The following RPS6KA2 variants were observed in gnomAD, a reference collection of about 807,000 sequenced individuals.
The protein encoded by RPS6KA2 is ribosomal protein S6 kinase A2, also known as ribosomal protein S6 kinase alpha-2.
Under a neutral mutation model 91.8 loss-of-function variants are expected in RPS6KA2, and 42 were observed. That is an observed-to-expected ratio of 0.46 (90% CI 0.36 to 0.59). RPS6KA2 has a LOEUF of 0.59. Ranked by LOEUF, RPS6KA2 falls within the 20% of genes least tolerant of loss-of-function variation. RPS6KA2 has a pLI of 0.00. For missense variants in RPS6KA2, 798 were observed against 978.5 expected (o/e 0.82, Z 2.46); for synonymous variants, 414 against 393.6 (o/e 1.05, Z -0.61).
chr6:166,671,252 A>G (rs1460727358), intron 2 of RPS6KA2, among the ~76,000 whole-genome samples: 1 of 152,234 alleles, frequency 6.6e-6, no homozygotes, highest in Non-Finnish European at 1.5e-5. Flanking sequence ...TGAGGGAACA[A>G]GAATCTCATT....
At position 166,493,228 on chromosome 6, in the gene RPS6KA2, G is replaced by A. The variant is rs372806843; in HGVS notation, c.748-2487C>T. Among the ~76,000 whole-genome samples the A allele has an allele frequency of 2.0e-5, 3 of 152,114 alleles. No homozygotes were observed. The highest frequency in any genetic ancestry group is 7.2e-5 in the African/African-American group (3 of 41,422). On this transcript the variant is annotated intron_variant, in intron 8 of 20. Coordinates refer to ENST00000265678, the MANE Select transcript of RPS6KA2 (RefSeq NM_021135.6). This position sits in a 1 kb window ranked among gnomAD's most constrained non-coding sequence, Gnocchi z 4.7. ...TCTTGGTGATGAAGGTGCTGCTGAC[G>A]GTGGGGATGATGCTGGGGCGGAGGT...
chr6:166,782,921 CT>C (rs977036337), intron 2 of RPS6KA2, among the ~76,000 whole-genome samples: 4 of 141,660 alleles, frequency 2.8e-5, no homozygotes, highest in African/African-American at 1.2e-4. Context: ...CCAGGCTTGT[CT>C]AATCTCTCTC....
chr6:166,680,477 T>C (rs1307614610), intron 2 of RPS6KA2, among the ~76,000 whole-genome samples: 2 of 152,092 alleles, frequency 1.3e-5, no homozygotes, highest in East Asian at 3.9e-4. Context: ...TTTGTTTTTT[T>C]GCTCTTTGTA....
intron 16 of RPS6KA2, among the ~76,000 whole-genome samples, chr6:166,424,353 A>G (rs1395529247): frequency 1.3e-5 from 2 of 152,202 alleles, no homozygotes; most frequent in African/African-American, 4.8e-5. Flanking sequence ...AGACTGGGTG[A>G]CCACACAGAA....
chr6:166,443,684 G>A (rs1779589893), intron 14 of RPS6KA2, among the ~76,000 whole-genome samples: 1 of 152,094 alleles, frequency 6.6e-6, no homozygotes, highest in Non-Finnish European at 1.5e-5. Flanking sequence ...ATCTATGTTT[G>A]TTTACATTTA....
intron 1 of RPS6KA2, among the ~76,000 whole-genome samples, chr6:166,564,294 T>C (rs942692565): frequency 1.3e-5 from 2 of 152,230 alleles, no homozygotes; most frequent in African/African-American, 2.4e-5. Context: ...TTCTGCCTAA[T>C]TGGCAGTTAC....
intron 10 of RPS6KA2, among the ~76,000 whole-genome samples, chr6:166,485,785 C>G (rs952750828): frequency 6.6e-6 from 1 of 152,214 alleles, no homozygotes. Flanking sequence ...AGTGAAACGG[C>G]AACTTCGGGA....
chr6:166,841,522 A>G (rs376853019), intron 2 of RPS6KA2, among the ~76,000 whole-genome samples: 1 of 152,378 alleles, frequency 6.6e-6, no homozygotes, highest in African/African-American at 2.4e-5. Flanking sequence ...GTAAGGTGAG[A>G]ACACAAGAAC....
chr6:166,766,803 A>G (rs1221999174), intron 2 of RPS6KA2, among the ~76,000 whole-genome samples: 2 of 152,246 alleles, frequency 1.3e-5, no homozygotes, highest in Non-Finnish European at 2.9e-5. Context: ...TGGGGCTGGA[A>G]CGCAGAAGCA....
chr6:166,532,404 G>C (rs1000440294), intron 2 of RPS6KA2, among the ~76,000 whole-genome samples: 1 of 152,210 alleles, frequency 6.6e-6, no homozygotes, highest in Non-Finnish European at 1.5e-5. Flanking sequence ...ACTGGAGGGA[G>C]ACCAACCAGC....
chr6:166,620,422 C>T (rs1333763214), intron 1 of RPS6KA2, among the ~76,000 whole-genome samples: 1 of 152,214 alleles, frequency 6.6e-6, no homozygotes, highest in Non-Finnish European at 1.5e-5. Context: ...TCCTTGTGGG[C>T]TGATGCCAGA....
chr6:166,479,891 A>T (rs976752706), intron 10 of RPS6KA2, among the ~76,000 whole-genome samples: 1 of 152,130 alleles, frequency 6.6e-6, no homozygotes, highest in Admixed American at 6.6e-5. Context: ...ATTTTTACTT[A>T]ACACTTCTTT....
At position 166,817,724 on chromosome 6, in the gene RPS6KA2, C is replaced by CT. The variant is rs1350262632; in HGVS notation, c.123+40475dup. On this transcript the variant is annotated intron_variant, in intron 2 of 21. Transcript: ENST00000503859. ...GCCAAACCATCTTTTTTCTTTTTTT[C>CT]TTTTTTTTTTTTGTTTGAGATGGAG... is the stretch of plus-strand genomic sequence containing the variant. 5.9e-4 allele frequency among the ~76,000 whole-genome samples: 54 copies of CT among 91,476 alleles called. 1 individual carries two copies. The South Asian group carries it at 9.5e-3, about 16-fold the overall frequency. 60.0% of individuals were successfully genotyped at this position (91,476 alleles called of 152,430 possible).
intron 2 of RPS6KA2, among the ~76,000 whole-genome samples, chr6:166,716,868 C>G (rs754379707): frequency 7.4e-5 from 11 of 149,118 alleles, no homozygotes; most frequent in Non-Finnish European, 1.5e-4. Flanking sequence ...TTTCGGATGT[C>G]AAAACACTGT....
upstream of RPS6KA2, among the ~76,000 whole-genome samples, chr6:166,630,524 A>G (rs1168249988): frequency 6.6e-6 from 1 of 152,198 alleles, no homozygotes; most frequent in Admixed American, 6.5e-5. Flanking sequence ...CTGATGCAAA[A>G]CTTCACCAGG....
chr6:166,602,905 C>T (rs1166945274), intron 1 of RPS6KA2, among the ~76,000 whole-genome samples: 1 of 152,158 alleles, frequency 6.6e-6, no homozygotes, highest in Non-Finnish European at 1.5e-5. Flanking sequence ...GAAAAGGGCT[C>T]AAGTCAATAT....
chr6:166,660,351 T>C (rs1788128023), intron 2 of RPS6KA2, among the ~76,000 whole-genome samples: 1 of 151,126 alleles, frequency 6.6e-6, no homozygotes, highest in Non-Finnish European at 1.5e-5. Flanking sequence ...CGGGTTGGTG[T>C]GTGCGTGCGT....
At chr6:166,631,714 A>G (rs1236727605), upstream of RPS6KA2, among the ~76,000 whole-genome samples, 35 of 152,190 alleles carry the variant, frequency 2.3e-4, no homozygotes, top group Admixed American at 2.3e-3. Flanking sequence ...ATGACTCCCA[A>G]ACAGCGAGAA....
intron 2 of RPS6KA2, among the ~76,000 whole-genome samples, chr6:166,845,852 A>C (rs1310692195): frequency 6.6e-6 from 1 of 152,142 alleles, no homozygotes; most frequent in Non-Finnish European, 1.5e-5. Flanking sequence ...AAGAAAAGAA[A>C]TAAAGATCAG....
Sources: gnomAD v4.1 joint callset for allele counts (sites outside exome capture counted in the v4.1 genomes callset) on GRCh38, gnomAD v4.1.1 for gene constraint, Gnocchi (gnomAD v3.1) non-coding constraint, MANE v1.5 for transcripts, NCBI Gene and HGNC (gene_info 2026-07-23, HGNC 2026-07-21) for gene names.